Variants in ST8SIA1 observed in about 807,000 individuals in gnomAD.
The protein encoded by ST8SIA1 is ST8 alpha-N-acetyl-neuraminide alpha-2,8-sialyltransferase 1, also known as alpha-N-acetylneuraminide alpha-2,8-sialyltransferase.
In ST8SIA1, 16 loss-of-function variants were observed where a neutral mutation model predicts 35.9. The ratio of observed to expected loss-of-function variants is 0.45; its 90% CI spans 0.30 to 0.68. The LOEUF is 0.68. Ranked by LOEUF, ST8SIA1 falls within the 30% of genes least tolerant of loss-of-function variation. The pLI, the probability that ST8SIA1 is intolerant of heterozygous loss-of-function variation, is 0.09. For synonymous variants in ST8SIA1, 170 were observed against 169.6 expected (o/e 1.00, Z -0.02); for missense variants, 383 against 453.6 (o/e 0.84, Z 1.41).
intron 4 of ST8SIA1, among the ~76,000 whole-genome samples, chr12:22,228,881 C>T (rs1460004996): frequency 6.6e-6 from 1 of 151,854 alleles, no homozygotes; most frequent in Non-Finnish European, 1.5e-5. Context: ...TGGTGAAACC[C>T]CGTCTCATCT....
At chr12:22,214,955 GA>G (rs1865219275) in intron 4 of ST8SIA1, among the ~76,000 whole-genome samples, 1 of 152,148 alleles carries the variant, frequency 6.6e-6, no homozygotes, top group Non-Finnish European at 1.5e-5. Flanking sequence ...AGATCAGCCT[GA>G]CACTTGATTC....
At chr12:22,226,274 A>G (rs375103127) in intron 4 of ST8SIA1, among the ~76,000 whole-genome samples, 12 of 152,326 alleles carry the variant, frequency 7.9e-5, no homozygotes, top group Admixed American at 5.2e-4. Flanking sequence ...AAATTTAGTG[A>G]TAGGGAAAAG....
intron 2 of ST8SIA1, among the ~76,000 whole-genome samples, chr12:22,282,914 T>C (rs760209683): frequency 1.3e-5 from 2 of 151,876 alleles, no homozygotes; most frequent in Non-Finnish European, 2.9e-5. Flanking sequence ...CAAATTTTAT[T>C]AAAAGAAAAA....
intron 2 of ST8SIA1, among the ~76,000 whole-genome samples, chr12:22,279,013 GCT>G (rs980288310): frequency 1.3e-5 from 2 of 152,046 alleles, no homozygotes; most frequent in African/African-American, 2.4e-5. Flanking sequence ...CTTAGTTTTT[GCT>G]CTCTCTGTAT....
chr12:22,286,519 AG>A, intron 2 of ST8SIA1: 1 of 518,242 alleles, frequency 1.9e-6, no homozygotes, highest in Non-Finnish European at 3.9e-6. Context: ...CCCCAAAACT[AG>A]GGTTCCCTAA....
chr12:22,314,159 G>T (rs971871557), intron 1 of ST8SIA1, among the ~76,000 whole-genome samples: 9 of 152,094 alleles, frequency 5.9e-5, no homozygotes, highest in African/African-American at 2.2e-4. Flanking sequence ...AAATGGGACA[G>T]GACAGAGAAA....
intron 4 of ST8SIA1, among the ~76,000 whole-genome samples, 158 bp from the exon 5 acceptor site, chr12:22,202,196 C>G (rs1865055626): frequency 6.6e-6 from 1 of 152,168 alleles, no homozygotes; most frequent in Non-Finnish European, 1.5e-5. Flanking sequence ...TTGAACTTAT[C>G]AATTATCTCT....
intron 1 of ST8SIA1, among the ~76,000 whole-genome samples, chr12:22,312,745 A>G (rs1251986031): frequency 1.3e-5 from 2 of 152,144 alleles, no homozygotes; most frequent in African/African-American, 2.4e-5. Flanking sequence ...ATTTGTAAAA[A>G]TAATTTGGTA....
rs115923058 is a variant in ST8SIA1 at position 22,254,257 on chromosome 12, C to T, written c.491+1023G>A. Among the ~76,000 whole-genome samples the T allele has an allele frequency of 2.6e-3, 389 of 152,176 alleles. 4 individuals carry two copies. Among genetic ancestry groups the T allele is most frequent in the African/African-American group, 8.9e-3 (371 of 41,524 alleles). ...TTTTTCTACAACATGTCCACTCATC[C>T]CCGAGATACCCTGAGCTCTGAAATC... On this transcript the variant is annotated intron_variant, in intron 3 of 4. Coordinates refer to ENST00000396037, the MANE Select transcript of ST8SIA1 (RefSeq NM_003034.4).
chr12:22,306,688 C>T (rs977878634), intron 1 of ST8SIA1, among the ~76,000 whole-genome samples: 2 of 152,052 alleles, frequency 1.3e-5, no homozygotes, highest in African/African-American at 4.8e-5. Flanking sequence ...TTGGATATGT[C>T]TTTTTATATT....
chr12:22,260,874 GTTTTTTTTTT>G (rs757887864), intron 2 of ST8SIA1, among the ~76,000 whole-genome samples: 2 of 114,376 alleles, frequency 1.7e-5, no homozygotes, highest in African/African-American at 6.8e-5. Context: ...TATAGTTGTT[GTTTTTTTTTT>G]TTTTTTTTTT....
Position 22,193,745 on chromosome 12 carries a change from T to C in ST8SIA1, c.*7807A>G, listed in dbSNP as rs1565562423. ...TTTTGCCAATGTAGGTTGGCTTTAATAGAAAGAAGCAATTCCATATACTCT... is the reference window on the plus strand; with the variant it reads ...TTTTGCCAATGTAGGTTGGCTTTAACAGAAAGAAGCAATTCCATATACTCT... On this transcript the variant is annotated 3_prime_UTR_variant, in exon 5 of 5. Transcript: ENST00000396037. 6.6e-6 allele frequency: 1 copy of C among 152,134 alleles called. No homozygotes were observed. The highest frequency in any genetic ancestry group is 2.4e-5 in the African/African-American group (1 of 41,364). The allele number at this position is 152,134 out of a possible 1,614,324, so 9.4% of individuals were successfully genotyped here. A position where few individuals can be genotyped will look rare whatever the true frequency, so the allele number is the denominator to read the frequency against.
In ST8SIA1 at chr12:22,321,550, C is replaced by T. The variant is rs547179978; in HGVS notation, c.236+12447G>A. On this transcript the variant is annotated intron_variant, in intron 1 of 4. Coordinates refer to ENST00000396037, the MANE Select transcript of ST8SIA1 (RefSeq NM_003034.4). ...AGCCTGAGCAGGCGGAGGTGGTAGA[C>T]GCCAGAATTTTCATTGTGCTTTAAA... Among the ~76,000 whole-genome samples, 9 of 152,244 alleles carry T rather than the reference C, an allele frequency of 5.9e-5. No homozygotes were observed. The South Asian group carries it at 8.3e-4, about 14-fold the overall frequency.
chr12:22,219,300 T>G (rs1424428458), intron 4 of ST8SIA1, among the ~76,000 whole-genome samples: 1 of 152,216 alleles, frequency 6.6e-6, no homozygotes, highest in Non-Finnish European at 1.5e-5. Context: ...ATCTGTATAA[T>G]CTCTTTGATT....
intron 4 of ST8SIA1, among the ~76,000 whole-genome samples, chr12:22,239,337 C>T (rs1865513017): frequency 1.3e-5 from 2 of 152,170 alleles, no homozygotes; most frequent in Non-Finnish European, 1.5e-5. Flanking sequence ...TACTCCTTCT[C>T]ATTCTATCGT....
At chr12:22,273,669 T>A (rs1169454977) in intron 2 of ST8SIA1, among the ~76,000 whole-genome samples, 2 of 152,208 alleles carry the variant, frequency 1.3e-5, no homozygotes, top group Admixed American at 1.3e-4. Flanking sequence ...AGTCTCTTTA[T>A]ATTTATACCA....
intron 2 of ST8SIA1, chr12:22,268,683 A>C (rs1057222213): frequency 6.6e-6 from 1 of 152,106 alleles, no homozygotes; most frequent in African/African-American, 2.4e-5. Flanking sequence ...CTATCGTGAG[A>C]ACTCACTCAC....
intron 1 of ST8SIA1, chr12:22,325,615 G>A: frequency 1.6e-6 from 1 of 633,680 alleles, no homozygotes. Context: ...TATCTGTGGA[G>A]GATACATTCC....
At chr12:22,290,308 G>T (rs1401585243) in intron 1 of ST8SIA1, among the ~76,000 whole-genome samples, 2 of 152,048 alleles carry the variant, frequency 1.3e-5, no homozygotes, top group Non-Finnish European at 2.9e-5. Context: ...GCCTGAGTGG[G>T]GTCCTCATTA....
Sources: gnomAD v4.1 joint callset for allele counts (sites outside exome capture counted in the v4.1 genomes callset) on GRCh38, gnomAD v4.1.1 for gene constraint, MANE v1.5 for transcripts, NCBI Gene and HGNC (gene_info 2026-07-23, HGNC 2026-07-21) for gene names.